PPP3R1: variants seen among roughly 807,000 people sequenced by gnomAD.
PPP3R1 encodes calcineurin subunit B type 1.
In PPP3R1, 5 loss-of-function variants were observed where a neutral mutation model predicts 22.6. That is an observed-to-expected ratio of 0.22 (90% CI 0.12 to 0.46). PPP3R1 has a LOEUF of 0.46. Among genes scored for constraint, PPP3R1 ranks in the 20% least tolerant of loss-of-function variants. The pLI, the probability that PPP3R1 is intolerant of heterozygous loss-of-function variation, is 0.99. For missense variants in PPP3R1, 61 were observed against 203.2 expected (o/e 0.30, Z 4.25); for synonymous variants, 56 against 65.2 (o/e 0.86, Z 0.68).
intron 2 of PPP3R1, among the ~76,000 whole-genome samples, chr2:68,199,657 A>G (rs545044749): frequency 6.6e-6 from 1 of 152,314 alleles, no homozygotes; most frequent in East Asian, 1.9e-4. Context: ...CAATTCGCTA[A>G]TATCATGAAT....
At chr2:68,235,508 G>A (rs1670002209) in intron 1 of PPP3R1, among the ~76,000 whole-genome samples, 1 of 152,084 alleles carries the variant, frequency 6.6e-6, no homozygotes, top group African/African-American at 2.4e-5. Context: ...GTATTTTCAA[G>A]GTTAATCTAA....
chr2:68,194,471 CAATAT>C (rs1170184073), intron 2 of PPP3R1, among the ~76,000 whole-genome samples: 1 of 151,918 alleles, frequency 6.6e-6, no homozygotes, highest in Non-Finnish European at 1.5e-5. Flanking sequence ...AATACTGCAG[CAATAT>C]AATATTAATA....
At chr2:68,197,576 C>G (rs1674813133) in intron 2 of PPP3R1, among the ~76,000 whole-genome samples, 1 of 152,212 alleles carries the variant, frequency 6.6e-6, no homozygotes, top group East Asian at 1.9e-4. Flanking sequence ...ACTCTCCCAT[C>G]AGCAATATAT....
intron 1 of PPP3R1, among the ~76,000 whole-genome samples, chr2:68,245,318 C>T (rs560119532): frequency 3.0e-4 from 45 of 152,132 alleles, no homozygotes; most frequent in Non-Finnish European, 5.0e-4. Flanking sequence ...GCTGAGATCG[C>T]ACCACCGCAC....
chr2:68,250,778 C>T (rs1295322787), intron 1 of PPP3R1, among the ~76,000 whole-genome samples: 1 of 152,180 alleles, frequency 6.6e-6, no homozygotes, highest in Non-Finnish European at 1.5e-5. Flanking sequence ...CCAGTAAGCA[C>T]TTACTCATTT....
chr2:68,248,492 A>G (rs1057020437), intron 1 of PPP3R1, among the ~76,000 whole-genome samples: 1 of 152,162 alleles, frequency 6.6e-6, no homozygotes, highest in Non-Finnish European at 1.5e-5. Flanking sequence ...CTATTCTCTA[A>G]ACAGTGGTTC....
In PPP3R1 at chr2:68,180,720, A is replaced by G; in HGVS notation, c.*243T>C. The G allele has an allele frequency of 2.5e-6, 1 of 398,434 alleles. No individual in the cohort carries two copies. Among genetic ancestry groups the G allele is most frequent in the Admixed American group, 4.2e-5 (1 of 23,726 alleles). 24.7% of individuals were successfully genotyped at this position (398,434 alleles called of 1,614,324 possible). A position where few individuals can be genotyped will look rare whatever the true frequency, so the allele number is the denominator to read the frequency against. On this transcript the variant is annotated 3_prime_UTR_variant, in exon 6 of 6. Coordinates refer to ENST00000234310, the MANE Select transcript of PPP3R1 (RefSeq NM_000945.4). ...AAAAGCCAACCCCTTCCCTTTCTCC[A>G]CCACATTGATATGCTCTTTTCATGT... is the stretch of plus-strand genomic sequence containing the variant.
intron 1 of PPP3R1, among the ~76,000 whole-genome samples, chr2:68,229,512 T>A (rs1342073748): frequency 6.6e-6 from 1 of 152,200 alleles, no homozygotes; most frequent in Non-Finnish European, 1.5e-5. Context: ...AATTATAATT[T>A]TGGACTTGTG....
At chr2:68,204,191 G>A (rs1489591744) in intron 2 of PPP3R1, among the ~76,000 whole-genome samples, 1 of 151,942 alleles carries the variant, frequency 6.6e-6, no homozygotes, top group Non-Finnish European at 1.5e-5. Context: ...CTTCCACTTT[G>A]AGCAAATCAC....
At chr2:68,201,486 T>C (rs72894445) in intron 2 of PPP3R1, among the ~76,000 whole-genome samples, 5,803 of 152,312 alleles carry the variant, frequency 0.038, 328 homozygotes, top group African/African-American at 0.13. Flanking sequence ...TTTTACTTTC[T>C]TCTTGAAGAC....
intron 1 of PPP3R1, among the ~76,000 whole-genome samples, chr2:68,220,596 T>C (rs1183625045): frequency 1.3e-5 from 2 of 152,198 alleles, no homozygotes; most frequent in African/African-American, 4.8e-5. Context: ...GTAACTTAAG[T>C]GGATGGCAAA....
Position 68,227,794 on chromosome 2 carries a change from TAAC to T in PPP3R1, c.4-10666_4-10664del, listed in dbSNP as rs202139158. Among the ~76,000 whole-genome samples, 1,253 of 152,264 alleles carry T rather than the reference TAAC, an allele frequency of 8.2e-3. 16 individuals are homozygous for T. The highest frequency in any genetic ancestry group is 0.029 in the African/African-American group (1,211 of 41,582). ...TGTTTTTCCTTCTACTATTTAATGT[TAAC>T]AACAATTTTTGTGTTTATCTTGTAT... On this transcript the variant is annotated intron_variant, in intron 1 of 5. Transcript: ENST00000234310.
intron 2 of PPP3R1, among the ~76,000 whole-genome samples, chr2:68,212,631 C>CT (rs1207540219): frequency 6.6e-6 from 1 of 152,196 alleles, no homozygotes; most frequent in Non-Finnish European, 1.5e-5. Context: ...TGAAAGAAAT[C>CT]TTTTTTTCTG....
At chr2:68,195,066 T>C (rs1674739710) in intron 2 of PPP3R1, among the ~76,000 whole-genome samples, 1 of 152,134 alleles carries the variant, frequency 6.6e-6, no homozygotes, top group African/African-American at 2.4e-5. Flanking sequence ...TGGTTTAATA[T>C]TCTTTAGCCA....
intron 1 of PPP3R1, among the ~76,000 whole-genome samples, chr2:68,225,817 AGT>A (rs1427819665): frequency 3.9e-5 from 6 of 152,340 alleles, no homozygotes; most frequent in Admixed American, 2.0e-4. Context: ...TCAAAAAAAC[AGT>A]GTGTTGGACT....
chr2:68,231,413 C>T (rs1421532800), intron 1 of PPP3R1, among the ~76,000 whole-genome samples: 1 of 151,508 alleles, frequency 6.6e-6, no homozygotes, highest in Non-Finnish European at 1.5e-5. Flanking sequence ...TTGAGTGACA[C>T]AAGCTTGTTC....
intron 1 of PPP3R1, among the ~76,000 whole-genome samples, chr2:68,248,672 C>G (rs1670282335): frequency 6.6e-6 from 1 of 152,168 alleles, no homozygotes; most frequent in South Asian, 2.1e-4. Flanking sequence ...TGTACATTGT[C>G]TCTTCCTCCC....
intron 2 of PPP3R1, among the ~76,000 whole-genome samples, chr2:68,201,992 A>G (rs1674984273): frequency 6.6e-6 from 1 of 152,184 alleles, no homozygotes; most frequent in Non-Finnish European, 1.5e-5. Context: ...GAATGCTTTT[A>G]AACAAAAGAT....
At chr2:68,241,098 C>T (rs1009208103) in intron 1 of PPP3R1, among the ~76,000 whole-genome samples, 1 of 152,180 alleles carries the variant, frequency 6.6e-6, no homozygotes, top group Non-Finnish European at 1.5e-5. Flanking sequence ...TCAGTATCCA[C>T]TGGGAACTGG....
Sources: gnomAD v4.1 joint callset for allele counts (sites outside exome capture counted in the v4.1 genomes callset) on GRCh38, gnomAD v4.1.1 for gene constraint, MANE v1.5 for transcripts, NCBI Gene and HGNC (gene_info 2026-07-23, HGNC 2026-07-21) for gene names.